Variants in GABRG3 observed in about 807,000 individuals in gnomAD.
The protein encoded by GABRG3 is gamma-aminobutyric acid receptor subunit gamma-3.
GABRG3 carries 25 observed loss-of-function variants against 48.8 expected under a neutral mutation model. The ratio of observed to expected loss-of-function variants is 0.51; its 90% CI spans 0.37 to 0.72. The LOEUF (loss-of-function observed/expected upper bound fraction) is 0.72, where lower values mean the gene tolerates loss of function less well. GABRG3 is among the 30% of genes least tolerant of loss of function. The pLI, the probability that GABRG3 is intolerant of heterozygous loss-of-function variation, is 0.00. For synonymous variants in GABRG3, 227 were observed against 217.6 expected, an observed-to-expected ratio of 1.04 and a Z score of -0.38; for missense variants, 394 against 577.9, an observed-to-expected ratio of 0.68 and a Z score of 3.26.
At chr15:27,145,325 T>C (rs1437641902) in intron 3 of GABRG3, among the ~76,000 whole-genome samples, 2 of 151,400 alleles carry the variant, frequency 1.3e-5, no homozygotes, top group Non-Finnish European at 2.9e-5. Flanking sequence ...TCTCACCAAA[T>C]GGAGATTGTA....
intron 3 of GABRG3, among the ~76,000 whole-genome samples, chr15:27,141,726 C>A (rs577056160): frequency 3.9e-5 from 6 of 152,268 alleles, no homozygotes; most frequent in African/African-American, 1.4e-4. Flanking sequence ...TCCTGCTCAT[C>A]CTGAACAATA....
At chr15:27,261,788 A>G (rs1481922870) in intron 3 of GABRG3, among the ~76,000 whole-genome samples, 1 of 151,990 alleles carries the variant, frequency 6.6e-6, no homozygotes, top group Non-Finnish European at 1.5e-5. Context: ...TTCAACCCAA[A>G]CAAAGGATGC....
chr15:27,381,280 C>T (rs1895767826), intron 5 of GABRG3, among the ~76,000 whole-genome samples: 1 of 152,196 alleles, frequency 6.6e-6, no homozygotes, highest in Non-Finnish European at 1.5e-5. Flanking sequence ...TGAAGGTAGG[C>T]CTCGTTAAGA....
chr15:27,437,839 A>T (rs1441454967), intron 5 of GABRG3, among the ~76,000 whole-genome samples: 1 of 152,200 alleles, frequency 6.6e-6, no homozygotes, highest in Non-Finnish European at 1.5e-5. Context: ...GGGAGCTTCC[A>T]CTTATAGCAG....
At chr15:26,998,747 T>C (rs976937670) in intron 2 of GABRG3, among the ~76,000 whole-genome samples, 3 of 152,166 alleles carry the variant, frequency 2.0e-5, no homozygotes, top group African/African-American at 7.2e-5. Flanking sequence ...CTTTGCTGTG[T>C]TGACCTAACT....
intron 3 of GABRG3, among the ~76,000 whole-genome samples, chr15:27,265,736 AT>A (rs1220979428): frequency 6.6e-6 from 1 of 152,102 alleles, no homozygotes; most frequent in Non-Finnish European, 1.5e-5. Flanking sequence ...TTGCCTTTTC[AT>A]TCTCTCAGCT....
At chr15:27,013,043 A>G (rs951274808) in intron 2 of GABRG3, among the ~76,000 whole-genome samples, 3 of 152,200 alleles carry the variant, frequency 2.0e-5, no homozygotes, top group African/African-American at 7.2e-5. Context: ...GAAATTTGAA[A>G]TAATTCAGTG....
chr15:27,330,648 A>C (rs1566789309), intron 5 of GABRG3, among the ~76,000 whole-genome samples: 1 of 152,262 alleles, frequency 6.6e-6, no homozygotes, highest in South Asian at 2.1e-4. Context: ...TGCTTGTATA[A>C]ATTGTTTTAA....
At chr15:27,126,875 C>G (rs1897830474) in intron 3 of GABRG3, among the ~76,000 whole-genome samples, 1 of 152,106 alleles carries the variant, frequency 6.6e-6, no homozygotes, top group Non-Finnish European at 1.5e-5. Context: ...TGATGGAGCC[C>G]TGAGTAGGTG....
chr15:27,301,055 A>G (rs1892188594), intron 3 of GABRG3, among the ~76,000 whole-genome samples: 1 of 152,192 alleles, frequency 6.6e-6, no homozygotes, highest in Non-Finnish European at 1.5e-5. Flanking sequence ...AGTTAAGTGA[A>G]CTTTAAGATG....
intron 3 of GABRG3, among the ~76,000 whole-genome samples, chr15:27,098,442 A>G (rs145893893): frequency 6.6e-6 from 1 of 152,192 alleles, no homozygotes; most frequent in Non-Finnish European, 1.5e-5. Flanking sequence ...TCAAAAACCA[A>G]CAACAACAAA....
At chr15:27,251,472 C>T (rs1890454024) in intron 3 of GABRG3, among the ~76,000 whole-genome samples, 2 of 152,172 alleles carry the variant, frequency 1.3e-5, no homozygotes, top group Non-Finnish European at 2.9e-5. Flanking sequence ...CCCTTGGACA[C>T]ACGTATTTGC....
chr15:27,351,990 G>A (rs114551072), intron 5 of GABRG3, among the ~76,000 whole-genome samples: 1,883 of 149,958 alleles, frequency 0.013, 39 homozygotes, highest in African/African-American at 0.044. Flanking sequence ...TGTGTATGGT[G>A]TGTGTGTGTA....
At chr15:27,144,101 A>G (rs1371555869) in intron 3 of GABRG3, among the ~76,000 whole-genome samples, 1 of 152,236 alleles carries the variant, frequency 6.6e-6, no homozygotes, top group Non-Finnish European at 1.5e-5. Context: ...CAAAAAAGCA[A>G]TAACAATGCT....
chr15:27,118,266 G>A (rs1366093475), intron 3 of GABRG3, among the ~76,000 whole-genome samples: 2 of 152,140 alleles, frequency 1.3e-5, no homozygotes, highest in Non-Finnish European at 1.5e-5. Context: ...AGAGAGGGAA[G>A]GGACTACTGG....
intron 5 of GABRG3, among the ~76,000 whole-genome samples, chr15:27,465,336 A>G (rs1889573191): frequency 7.0e-6 from 1 of 142,128 alleles, no homozygotes; most frequent in South Asian, 2.3e-4. Context: ...TTACATGAAA[A>G]TGGATACAAA....
intron 6 of GABRG3, among the ~76,000 whole-genome samples, chr15:27,499,777 C>T (rs1459269660): frequency 6.6e-6 from 1 of 152,148 alleles, no homozygotes; most frequent in Non-Finnish European, 1.5e-5. Context: ...TTCTGGGGGC[C>T]GAGGAAAGCC....
intron 5 of GABRG3, among the ~76,000 whole-genome samples, chr15:27,474,978 A>G (rs1889893272): frequency 6.6e-6 from 1 of 152,026 alleles, no homozygotes; most frequent in African/African-American, 2.4e-5. Context: ...GAAAATACAA[A>G]CATTAGCTGG....
chr15:27,103,124 C>A (rs950895316), intron 3 of GABRG3, among the ~76,000 whole-genome samples: 1 of 152,192 alleles, frequency 6.6e-6, no homozygotes, highest in African/African-American at 2.4e-5. Flanking sequence ...GTGTTGTGAT[C>A]TGTATGAAAT....
Sources: gnomAD v4.1 joint callset for allele counts (sites outside exome capture counted in the v4.1 genomes callset) on GRCh38, gnomAD v4.1.1 for gene constraint, MANE v1.5 for transcripts, NCBI Gene and HGNC (gene_info 2026-07-23, HGNC 2026-07-21) for gene names.